The following GLRB variants were observed in gnomAD, a reference collection of about 807,000 sequenced individuals.
GLRB encodes the protein glycine receptor beta.
In GLRB, 33 loss-of-function variants were observed where a neutral mutation model predicts 54.2. That is an observed-to-expected ratio of 0.61 (90% CI 0.46 to 0.81). GLRB has a LOEUF of 0.81. GLRB is among the 40% of genes least tolerant of loss of function. The pLI is 0.00. For missense variants in GLRB, 572 were observed against 584.6 expected, an observed-to-expected ratio of 0.98 and a Z score of 0.22; for synonymous variants, 209 against 208.2, an observed-to-expected ratio of 1.00 and a Z score of -0.03.
chr4:157,099,710 A>C (rs1734946486), intron 2 of GLRB, among the ~76,000 whole-genome samples: 1 of 152,088 alleles, frequency 6.6e-6, no homozygotes, highest in South Asian at 2.1e-4. Context: ...TCCAAGAGTA[A>C]AATTTTTTGT....
chr4:157,134,271 G>A (rs72980538), intron 4 of GLRB, among the ~76,000 whole-genome samples: 12,932 of 151,950 alleles, frequency 0.085, 1,505 homozygotes, highest in African/African-American at 0.27. Flanking sequence ...GAATACTAAT[G>A]AGTGGCTGAG....
At chr4:157,121,594 G>T (rs1735824486) in intron 3 of GLRB, among the ~76,000 whole-genome samples, 1 of 151,286 alleles carries the variant, frequency 6.6e-6, no homozygotes, top group African/African-American at 2.4e-5. Context: ...CAACAGCCAT[G>T]GTCTGGGTTG....
intron 8 of GLRB, among the ~76,000 whole-genome samples, chr4:157,146,567 C>T (rs1288657468): frequency 2.0e-5 from 3 of 151,862 alleles, no homozygotes; most frequent in Non-Finnish European, 4.4e-5. Context: ...CCCTGTAATC[C>T]CAGCACTTTG....
chr4:157,161,029 C>A (rs1055601280), intron 9 of GLRB, among the ~76,000 whole-genome samples: 6 of 152,078 alleles, frequency 3.9e-5, no homozygotes, highest in African/African-American at 1.4e-4. Flanking sequence ...TATCGGGTGC[C>A]TATATATTCA....
In GLRB at chr4:157,107,954, G is replaced by A. The variant is rs562705535; in HGVS notation, c.123-12602G>A. 6.6e-5 allele frequency among the ~76,000 whole-genome samples: 10 copies of A among 152,072 alleles called. No individual in the cohort carries two copies. The South Asian group carries it at 2.1e-3, about 31-fold the overall frequency. ...CATTTACCATTTCAAAAATCCTAGG[G>A]CCCTTAAGAATTATGCAAAATCTAC... On this transcript the variant is annotated intron_variant, in intron 2 of 9. Coordinates refer to ENST00000264428, the MANE Select transcript of GLRB (RefSeq NM_000824.5).
chr4:157,100,355 T>C (rs1019657796), intron 2 of GLRB, among the ~76,000 whole-genome samples: 8 of 152,230 alleles, frequency 5.3e-5, no homozygotes, highest in African/African-American at 1.9e-4. Flanking sequence ...AGCACATTTA[T>C]TGAAAAATCC....
intron 8 of GLRB, among the ~76,000 whole-genome samples, chr4:157,146,712 C>T (rs768925159): frequency 8.6e-5 from 13 of 151,640 alleles, no homozygotes; most frequent in Non-Finnish European, 1.5e-4. Flanking sequence ...CCCAGTTACT[C>T]GGGAGGCTGA....
At chr4:157,095,698 C>T (rs546326456) in intron 2 of GLRB, among the ~76,000 whole-genome samples, 70 of 152,202 alleles carry the variant, frequency 4.6e-4, no homozygotes, top group African/African-American at 1.6e-3. Flanking sequence ...AAGCTAGGAT[C>T]ATGTCTGTCT....
chr4:157,110,155 G>C (rs1334177959), intron 2 of GLRB, among the ~76,000 whole-genome samples: 1 of 151,790 alleles, frequency 6.6e-6, no homozygotes, highest in South Asian at 2.1e-4. Context: ...CCATCCTAAG[G>C]CTATTCTAGG....
chr4:157,086,597 T>G (rs1451762096), intron 2 of GLRB, among the ~76,000 whole-genome samples: 1 of 152,224 alleles, frequency 6.6e-6, no homozygotes. Flanking sequence ...GAATAGAAAT[T>G]ACCTTCTATT....
chr4:157,141,553 C>T (rs1384337453), intron 7 of GLRB, among the ~76,000 whole-genome samples: 2 of 151,788 alleles, frequency 1.3e-5, no homozygotes, highest in Non-Finnish European at 2.9e-5. Flanking sequence ...TGTGGGAAAG[C>T]AAGTATACAA....
At chr4:157,095,322 G>C (rs1027630163) in intron 2 of GLRB, among the ~76,000 whole-genome samples, 6 of 143,544 alleles carry the variant, frequency 4.2e-5, no homozygotes, top group African/African-American at 1.5e-4. Flanking sequence ...AAAAAAAAAA[G>C]GTTTTTATTT....
At chr4:157,167,785 A>G (rs748830817) in intron 9 of GLRB, among the ~76,000 whole-genome samples, 1 of 152,192 alleles carries the variant, frequency 6.6e-6, no homozygotes, top group East Asian at 1.9e-4. Flanking sequence ...TGCAAGCTGT[A>G]CTAGAAGCAT....
At position 157,155,152 on chromosome 4, in the gene GLRB, CAG is replaced by C. The variant is rs1190324833; in HGVS notation, c.1197+2145_1197+2146del. Among the ~76,000 whole-genome samples the C allele has an allele frequency of 4.6e-5, 7 of 152,102 alleles. No individual in the cohort carries two copies. The East Asian group carries it at 7.8e-4, about 17-fold the overall frequency. ...ATTTCCTTGTTTTTTGTTTTTGAGGCAGAGTCTCACTCTGTCACCCAGGCTGG... is the reference window on the plus strand; with the variant it reads ...ATTTCCTTGTTTTTTGTTTTTGAGGCAGTCTCACTCTGTCACCCAGGCTGG... On this transcript the variant is annotated intron_variant, in intron 9 of 9. Coordinates refer to ENST00000264428, the MANE Select transcript of GLRB (RefSeq NM_000824.5).
rs914626338 is a variant in GLRB at position 157,146,267 on chromosome 4, G to A, written c.904+2308G>A. Among the ~76,000 whole-genome samples, 10 of 151,956 alleles carry A rather than the reference G, an allele frequency of 6.6e-5. No individual in the cohort carries two copies. The South Asian group carries it at 8.3e-4, about 13-fold the overall frequency. ...GCTGACCCCGTGATCTGCCCGCCTCGACCTCCCAAAGTGCTGGGATTACAG... is the reference window on the plus strand; with the variant it reads ...GCTGACCCCGTGATCTGCCCGCCTCAACCTCCCAAAGTGCTGGGATTACAG... On this transcript the variant is annotated intron_variant, in intron 8 of 9. Coordinates refer to ENST00000264428, the MANE Select transcript of GLRB (RefSeq NM_000824.5).
At chr4:157,135,890 T>C (rs1249852482) in intron 4 of GLRB, among the ~76,000 whole-genome samples, 1 of 152,152 alleles carries the variant, frequency 6.6e-6, no homozygotes, top group African/African-American at 2.4e-5. Context: ...GTGTTCCCTC[T>C]AAAGTAGAGG....
chr4:157,143,477 A>G (rs1453585298), intron 7 of GLRB, among the ~76,000 whole-genome samples: 2 of 152,010 alleles, frequency 1.3e-5, no homozygotes, highest in Non-Finnish European at 2.9e-5. Context: ...TTGCCCTGAG[A>G]GGACCCACGG....
rs374783623 is a variant in GLRB at position 157,146,239 on chromosome 4, A to G, written c.904+2280A>G. On this transcript the variant is annotated intron_variant, in intron 8 of 9. Transcript: ENST00000264428. ...ACCATGTCAGCCAGGCTGATATCGA[A>G]CTGCTGACCCCGTGATCTGCCCGCC... Among the ~76,000 whole-genome samples, 8 of 151,880 alleles carry G rather than the reference A, an allele frequency of 5.3e-5. No homozygotes were observed. The East Asian group carries it at 1.6e-3, about 30-fold the overall frequency.
chr4:157,106,478 T>C (rs189313180), intron 2 of GLRB, among the ~76,000 whole-genome samples: 68 of 152,242 alleles, frequency 4.5e-4, no homozygotes, highest in African/African-American at 1.6e-3. Context: ...GCATGCAAGT[T>C]GGTGTACTGA....
Sources: allele counts gnomAD v4.1 joint callset (sites outside exome capture counted in the v4.1 genomes callset), GRCh38; gene constraint gnomAD v4.1.1; transcripts MANE v1.5; gene names NCBI Gene and HGNC (gene_info 2026-07-23, HGNC 2026-07-21).